Variants in KCNIP4 observed in about 807,000 individuals in gnomAD.
KCNIP4 encodes the protein potassium voltage-gated channel interacting protein 4.
KCNIP4 carries 12 observed loss-of-function variants against 34.0 expected under a neutral mutation model. That is an observed-to-expected ratio of 0.35 (90% CI 0.23 to 0.57). KCNIP4 has a LOEUF of 0.57. KCNIP4 is among the 20% of genes least tolerant of loss of function. KCNIP4 has a pLI of 0.83. For missense variants in KCNIP4, 238 were observed against 311.7 expected (o/e 0.76, Z 1.78); for synonymous variants, 124 against 102.2 (o/e 1.21, Z -1.29).
chr4:21,599,510 CTGTGT>C (rs1219243030), intron 1 of KCNIP4, among the ~76,000 whole-genome samples: 1 of 151,964 alleles, frequency 6.6e-6, no homozygotes, highest in East Asian at 1.9e-4. Context: ...GTGCCACAGA[CTGTGT>C]TAAGTACCAT....
chr4:20,780,566 A>G (rs1036556541), intron 3 of KCNIP4, among the ~76,000 whole-genome samples: 1 of 152,164 alleles, frequency 6.6e-6, no homozygotes, highest in Non-Finnish European at 1.5e-5. Flanking sequence ...GGAACTGCCA[A>G]TACCCCATTT....
chr4:21,675,902 T>C (rs1394810877), intron 1 of KCNIP4, among the ~76,000 whole-genome samples: 1 of 152,194 alleles, frequency 6.6e-6, no homozygotes, highest in Admixed American at 6.5e-5. Flanking sequence ...ATGTATCATA[T>C]ACCTGGAGGA....
At chr4:20,897,535 G>T (rs1197871221) in intron 1 of KCNIP4, among the ~76,000 whole-genome samples, 2 of 150,436 alleles carry the variant, frequency 1.3e-5, no homozygotes, top group African/African-American at 4.9e-5. Flanking sequence ...CACATTCATA[G>T]TGAAGTTCCA....
intron 1 of KCNIP4, among the ~76,000 whole-genome samples, chr4:21,221,168 C>G (rs1757954586): frequency 6.6e-6 from 1 of 152,054 alleles, no homozygotes; most frequent in Admixed American, 6.6e-5. Flanking sequence ...TTTCTTTTAT[C>G]CACTAGATTG....
intron 3 of KCNIP4, among the ~76,000 whole-genome samples, chr4:20,765,178 T>C (rs1755290463): frequency 6.6e-6 from 1 of 152,218 alleles, no homozygotes; most frequent in African/African-American, 2.4e-5. Flanking sequence ...ATTCCATTTC[T>C]TTTTTGCTCT....
At chr4:21,312,018 A>T (rs1386223307) in intron 1 of KCNIP4, among the ~76,000 whole-genome samples, 2 of 152,116 alleles carry the variant, frequency 1.3e-5, no homozygotes, top group African/African-American at 4.8e-5. Context: ...ATCCTTAATG[A>T]TGAAGGATCA....
intron 5 of KCNIP4, among the ~76,000 whole-genome samples, chr4:20,743,008 G>T (rs1751520624): frequency 6.6e-6 from 1 of 151,356 alleles, no homozygotes; most frequent in South Asian, 2.1e-4. Flanking sequence ...AACTTATATG[G>T]GATGTGAAGG....
At chr4:21,204,523 T>C (rs756246113) in intron 1 of KCNIP4, among the ~76,000 whole-genome samples, 4 of 152,158 alleles carry the variant, frequency 2.6e-5, no homozygotes, top group African/African-American at 4.8e-5. Context: ...CTGCCAATGA[T>C]TGGTTTTAGA....
At chr4:21,262,449 G>T (rs1761533695) in intron 1 of KCNIP4, among the ~76,000 whole-genome samples, 1 of 152,156 alleles carries the variant, frequency 6.6e-6, no homozygotes. Context: ...CTTCACCCCA[G>T]AGTGCAGCCT....
intron 2 of KCNIP4, among the ~76,000 whole-genome samples, chr4:20,857,555 A>G: frequency 7.1e-6 from 1 of 140,616 alleles, no homozygotes; most frequent in East Asian, 1.9e-4. Flanking sequence ...GTTTATATAT[A>G]CATAAAAACA....
At chr4:21,913,660 T>G (rs1318321749) in intron 1 of KCNIP4, among the ~76,000 whole-genome samples, 1 of 152,176 alleles carries the variant, frequency 6.6e-6, no homozygotes, top group Non-Finnish European at 1.5e-5. Context: ...ATCCTTGCTA[T>G]GACAAAGCCA....
At chr4:21,475,258 T>C (rs939649704) in intron 1 of KCNIP4, among the ~76,000 whole-genome samples, 2 of 152,166 alleles carry the variant, frequency 1.3e-5, no homozygotes, top group Non-Finnish European at 2.9e-5. Flanking sequence ...GTTTACACAT[T>C]AGAGTTGCAC....
chr4:20,937,383 C>T (rs529824117), intron 1 of KCNIP4, among the ~76,000 whole-genome samples: 115 of 151,482 alleles, frequency 7.6e-4, no homozygotes, highest in African/African-American at 2.7e-3. Context: ...TATAGGCGCC[C>T]GTCACCATGC....
chr4:21,656,064 A>T (rs1248614541), intron 1 of KCNIP4, among the ~76,000 whole-genome samples: 2 of 152,228 alleles, frequency 1.3e-5, no homozygotes, highest in Admixed American at 1.3e-4. Context: ...ATATTGTCTC[A>T]CAGTTCTAGA....
intron 1 of KCNIP4, among the ~76,000 whole-genome samples, chr4:21,424,497 G>A (rs991368141): frequency 3.9e-5 from 6 of 152,056 alleles, no homozygotes; most frequent in East Asian, 2.0e-4. Flanking sequence ...GCTTGAACCC[G>A]GGAGGTGGAG....
At chr4:20,808,952 C>T (rs928073987) in intron 3 of KCNIP4, among the ~76,000 whole-genome samples, 3 of 152,312 alleles carry the variant, frequency 2.0e-5, no homozygotes, top group African/African-American at 7.2e-5. Context: ...TGTCCTCTCT[C>T]ACTCTCAGCA....
intron 1 of KCNIP4, among the ~76,000 whole-genome samples, chr4:21,123,866 G>A (rs911231534): frequency 2.6e-5 from 4 of 152,096 alleles, no homozygotes; most frequent in Admixed American, 2.6e-4. Flanking sequence ...CTGTCTCCGA[G>A]CCAAGAAGAT....
rs549577829 is a variant in KCNIP4, at chr4:21,712,781, TA to T, written c.61+235789del. ...AGTAAATTTTCCATTCAGAGATTTT[TA>T]AAAAAAAAAATCTGGTCATAGCAGC... On this transcript the variant is annotated intron_variant, in intron 1 of 8. Coordinates refer to ENST00000382152, the MANE Select transcript of KCNIP4 (RefSeq NM_025221.6). Among the ~76,000 whole-genome samples, 168 of 149,708 alleles carry T rather than the reference TA, an allele frequency of 1.1e-3. 1 individual carries two copies. Among genetic ancestry groups the T allele is most frequent in the South Asian group, 1.3e-3 (6 of 4,746 alleles).
At chr4:21,069,302 C>G (rs1744684619) in intron 1 of KCNIP4, among the ~76,000 whole-genome samples, 1 of 152,044 alleles carries the variant, frequency 6.6e-6, no homozygotes, top group Non-Finnish European at 1.5e-5. Context: ...CTTTTAGAAG[C>G]CAACTACAGG....
Sources: allele counts gnomAD v4.1 joint callset (sites outside exome capture counted in the v4.1 genomes callset), GRCh38; gene constraint gnomAD v4.1.1; transcripts MANE v1.5; gene names NCBI Gene and HGNC (gene_info 2026-07-23, HGNC 2026-07-21).